LIMCH1: variants seen among roughly 807,000 people sequenced by gnomAD.
LIMCH1 encodes the protein LIM and calponin homology domains-containing protein 1.
In LIMCH1, 113 loss-of-function variants were observed where a neutral mutation model predicts 176.5. That is an observed-to-expected ratio of 0.64 (90% confidence interval 0.55 to 0.75). The LOEUF (loss-of-function observed/expected upper bound fraction) is 0.75. Ranked by LOEUF, LIMCH1 falls within the 30% of genes least tolerant of loss-of-function variation. LIMCH1 has a pLI of 0.00. For missense variants in LIMCH1, 1,674 were observed against 1,814.9 expected (o/e 0.92, Z 1.41); for synonymous variants, 619 against 645.9 (o/e 0.96, Z 0.63).
chr4:41,549,738 T>C (rs1216974498), intron 1 of LIMCH1, among the ~76,000 whole-genome samples: 5 of 152,136 alleles, frequency 3.3e-5, no homozygotes, highest in Admixed American at 2.6e-4. Flanking sequence ...AAGCAAAGTA[T>C]AGTACATTTT....
intron 2 of LIMCH1, among the ~76,000 whole-genome samples, chr4:41,602,462 C>G (rs7674240): frequency 0.31 from 47,817 of 152,052 alleles, 11,512 homozygotes; most frequent in African/African-American, 0.68. Flanking sequence ...TTTATCATCA[C>G]TGCAGAAAAA....
intron 1 of LIMCH1, among the ~76,000 whole-genome samples, chr4:41,361,499 C>T (rs572326951): frequency 6.6e-6 from 1 of 152,202 alleles, no homozygotes; most frequent in South Asian, 2.1e-4. Flanking sequence ...GTGCGCAGGG[C>T]GGGGGTAGCT....
At position 41,518,589 on chromosome 4, in the gene LIMCH1, T is replaced by TA. The variant is rs1303514751; in HGVS notation, c.168-5818dup. 1.5e-4 allele frequency among the ~76,000 whole-genome samples: 23 copies of TA among 152,316 alleles called. No individual in the cohort carries two copies. The South Asian group carries it at 2.9e-3, about 19-fold the overall frequency. On this transcript the variant is annotated intron_variant, in intron 2 of 26. Transcript: ENST00000313860. The stretch of plus-strand genomic sequence containing the variant: ...TTTCTTTTTTGTTGTTAATTTGCTT[T>TA]AAGTTCTGAGATACATGTGCAGAAC...
chr4:41,366,145 G>A (rs2052933713), intron 1 of LIMCH1, among the ~76,000 whole-genome samples: 1 of 152,148 alleles, frequency 6.6e-6, no homozygotes, highest in Non-Finnish European at 1.5e-5. Context: ...ATCATAGTTG[G>A]GGGATAACAT....
Position 41,650,995 on chromosome 4 carries a change from C to CTATTTTATTT in LIMCH1, c.3036+404_3036+413dup, listed in dbSNP as rs751238492. ...TGGATGTGTCTGTATTCAGATTTCC[C>CTATTTTATTT]TATTTTATTTTATTTTATTTTATTT... On this transcript the variant is annotated intron_variant, in intron 18 of 31. Transcript: ENST00000503057. Among the ~76,000 whole-genome samples, 39 of 150,922 alleles carry CTATTTTATTT rather than the reference C, an allele frequency of 2.6e-4. 1 individual carries two copies. The highest frequency in any genetic ancestry group is 6.1e-4 in the African/African-American group (25 of 40,758).
At position 41,699,069 on chromosome 4, in the gene LIMCH1, G is replaced by A. The variant is rs932580412; in HGVS notation, c.*1884G>A. ...AGTCCAATATTTTGATTATCCACCT[G>A]CATGTTTTATTAAATATTTTGATAA... On this transcript the variant is annotated 3_prime_UTR_variant, in exon 32 of 32. Transcript: ENST00000503057. 2 of 152,108 alleles carry A rather than the reference G, an allele frequency of 1.3e-5. No individual in the cohort carries two copies. The highest frequency in any genetic ancestry group is 2.4e-5 in the African/African-American group (1 of 41,428). 9.4% of individuals were successfully genotyped at this position (152,108 alleles called of 1,614,324 possible). A position where few individuals can be genotyped will look rare whatever the true frequency, so the allele number is the denominator to read the frequency against.
At chr4:41,695,866 A>G (rs1730238665) in intron 31 of LIMCH1, among the ~76,000 whole-genome samples, 1 of 152,134 alleles carries the variant, frequency 6.6e-6, no homozygotes, top group Non-Finnish European at 1.5e-5. Flanking sequence ...AAGTATAAAT[A>G]TGCTTGTATT....
At chr4:41,360,458 C>T (rs2051824093), upstream of LIMCH1, among the ~76,000 whole-genome samples, 1 of 152,078 alleles carries the variant, frequency 6.6e-6, no homozygotes, top group Admixed American at 6.5e-5. This position sits in a 1 kb window ranked among gnomAD's most constrained non-coding sequence, Gnocchi z 4.5. Flanking sequence ...GCGGGGCGGC[C>T]AGCGGATTCC....
intron 1 of LIMCH1, among the ~76,000 whole-genome samples, chr4:41,430,388 C>T (rs564059905): frequency 5.8e-4 from 89 of 152,236 alleles, no homozygotes; most frequent in Middle Eastern, 6.8e-3. Context: ...CTCAGCCTTC[C>T]GAGTAGCTGG....
At chr4:41,445,439 C>T (rs1239748301) in intron 1 of LIMCH1, among the ~76,000 whole-genome samples, 1 of 152,178 alleles carries the variant, frequency 6.6e-6, no homozygotes, top group East Asian at 1.9e-4. Flanking sequence ...AAAGCCATTG[C>T]CATCTTCTGA....
At chr4:41,633,885 C>T in intron 13 of LIMCH1, 77 bp downstream of exon 13, 2 of 1,414,542 alleles carry the variant, frequency 1.4e-6, no homozygotes, top group Non-Finnish European at 1.9e-6. Context: ...TGCATTATGG[C>T]ACCTCAGTGC....
chr4:41,597,948 C>T (rs10029589), intron 1 of LIMCH1, among the ~76,000 whole-genome samples: 54,057 of 152,036 alleles, frequency 0.36, 14,786 homozygotes, highest in African/African-American at 0.77. Flanking sequence ...TGGGTGAATA[C>T]GTGATTCTGT....
intron 1 of LIMCH1, among the ~76,000 whole-genome samples, chr4:41,580,310 G>A (rs1283560142): frequency 6.6e-6 from 1 of 152,158 alleles, no homozygotes; most frequent in East Asian, 1.9e-4. Context: ...AAAGAAAATG[G>A]AGATATTGAA....
At chr4:41,656,887 G>T (rs941865251) in intron 18 of LIMCH1, among the ~76,000 whole-genome samples, 16 of 152,282 alleles carry the variant, frequency 1.1e-4, no homozygotes, top group African/African-American at 3.9e-4. Context: ...CCAGCACCCA[G>T]ACCCTCAGTC....
chr4:41,634,341 G>A (rs78346574), intron 13 of LIMCH1, among the ~76,000 whole-genome samples: 1 of 152,170 alleles, frequency 6.6e-6, no homozygotes, highest in Admixed American at 6.5e-5. Context: ...GTTGAAGCCT[G>A]TCTTGCCATT....
intron 1 of LIMCH1, among the ~76,000 whole-genome samples, chr4:41,560,752 C>A (rs762025206): frequency 1.3e-5 from 2 of 151,762 alleles, no homozygotes; most frequent in African/African-American, 2.4e-5. Context: ...GGCATGGTGG[C>A]ATGTTCCTGT....
chr4:41,590,968 T>C (rs2087442617), intron 1 of LIMCH1, among the ~76,000 whole-genome samples: 1 of 152,210 alleles, frequency 6.6e-6, no homozygotes, highest in African/African-American at 2.4e-5. Flanking sequence ...ATTTTGGTAA[T>C]GTATTCCTAA....
intron 1 of LIMCH1, among the ~76,000 whole-genome samples, chr4:41,416,429 A>G (rs1164100616): frequency 6.6e-6 from 1 of 152,004 alleles, no homozygotes; most frequent in Non-Finnish European, 1.5e-5. Context: ...AGGTGGGTGG[A>G]TCACTTGAGG....
chr4:41,681,923 A>C (rs1716285556), intron 25 of LIMCH1, among the ~76,000 whole-genome samples: 1 of 152,236 alleles, frequency 6.6e-6, no homozygotes, highest in Non-Finnish European at 1.5e-5. Context: ...GGCCAGAGAG[A>C]GCCTATAAAG....
Sources: gnomAD v4.1 joint callset for allele counts (sites outside exome capture counted in the v4.1 genomes callset) on GRCh38, gnomAD v4.1.1 for gene constraint, Gnocchi (gnomAD v3.1) non-coding constraint, MANE v1.5 for transcripts, NCBI Gene and HGNC (gene_info 2026-07-23, HGNC 2026-07-21) for gene names.